WWC1: variants seen among roughly 807,000 people sequenced by gnomAD.
WWC1 encodes the protein protein KIBRA.
WWC1 carries 55 observed loss-of-function variants against 138.4 expected under a neutral mutation model. That is an observed-to-expected ratio of 0.40 (90% confidence interval 0.32 to 0.50). The LOEUF (loss-of-function observed/expected upper bound fraction) is 0.50, where lower values mean the gene tolerates loss of function less well. WWC1 is among the 20% of genes least tolerant of loss of function. The probability of loss-of-function intolerance (pLI) is 0.72; values close to 1 mark genes in which losing one functional copy is unlikely to be tolerated. For synonymous variants in WWC1, 524 were observed against 564.9 expected (o/e 0.93, Z 1.03); for missense variants, 1,226 against 1,420.4 (o/e 0.86, Z 2.20).
intron 1 of WWC1, among the ~76,000 whole-genome samples, chr5:168,333,553 G>T (rs904830433): frequency 6.6e-6 from 1 of 152,188 alleles, no homozygotes; most frequent in African/African-American, 2.4e-5. Context: ...ATGATGGGCA[G>T]CACCTCTGTG....
At chr5:168,372,536 C>T (rs574535806) in intron 2 of WWC1, among the ~76,000 whole-genome samples, 34 of 152,326 alleles carry the variant, frequency 2.2e-4, no homozygotes, top group African/African-American at 7.0e-4. Flanking sequence ...CAGTCTGTGC[C>T]GTGTCCTGTG....
At chr5:168,348,531 G>T (rs1202499293) in intron 1 of WWC1, among the ~76,000 whole-genome samples, 1 of 152,162 alleles carries the variant, frequency 6.6e-6, no homozygotes, top group Non-Finnish European at 1.5e-5. Flanking sequence ...TGTGAGCACA[G>T]GCCTCCCTTT....
At position 168,323,285 on chromosome 5, in the gene WWC1, C is replaced by A. The variant is rs561960477; in HGVS notation, c.119+31014C>A. Among the ~76,000 whole-genome samples, 3 of 152,278 alleles carry A rather than the reference C, an allele frequency of 2.0e-5. No homozygotes were observed. In the East Asian group the frequency reaches 5.8e-4, roughly 29 times the overall value. On this transcript the variant is annotated intron_variant, in intron 1 of 22. Coordinates refer to ENST00000265293, the MANE Select transcript of WWC1 (RefSeq NM_015238.3). The stretch of plus-strand genomic sequence containing the variant: ...GTGAGGCTGGGTACAGTGGCTCACA[C>A]CTGTAACCCCAACACTTTGGAAGAC...
intron 5 of WWC1, among the ~76,000 whole-genome samples, chr5:168,403,490 C>T (rs912483148): frequency 1.3e-5 from 2 of 152,072 alleles, no homozygotes; most frequent in African/African-American, 2.4e-5. Flanking sequence ...CTCTGGACCA[C>T]GAATCCATAT....
chr5:168,311,875 T>TA (rs879658323), intron 1 of WWC1, among the ~76,000 whole-genome samples: 6,722 of 136,394 alleles, frequency 0.049, 436 homozygotes, highest in African/African-American at 0.16. Flanking sequence ...AGACTCAGTC[T>TA]AAAAAAAAAA....
intron 1 of WWC1, among the ~76,000 whole-genome samples, chr5:168,342,836 C>T (rs1055173734): frequency 6.6e-6 from 1 of 152,206 alleles, no homozygotes; most frequent in African/African-American, 2.4e-5. Flanking sequence ...AGACCCCATA[C>T]TGTGGACGGA....
At chr5:168,451,706 G>T (rs1325095137) in intron 17 of WWC1, among the ~76,000 whole-genome samples, 1 of 152,006 alleles carries the variant, frequency 6.6e-6, no homozygotes, top group Non-Finnish European at 1.5e-5. Flanking sequence ...GCAAGATGCT[G>T]TCTCTAAAAA....
intron 1 of WWC1, among the ~76,000 whole-genome samples, chr5:168,304,119 A>G (rs2152743141): frequency 6.6e-6 from 1 of 152,354 alleles, no homozygotes. Context: ...ATTATATTCA[A>G]GTTCCACTGA....
At chr5:168,382,318 A>G (rs988684453) in intron 2 of WWC1, among the ~76,000 whole-genome samples, 4 of 152,242 alleles carry the variant, frequency 2.6e-5, no homozygotes, top group Non-Finnish European at 5.9e-5. Context: ...AAATTCATGT[A>G]TAATCAGAAG....
chr5:168,337,121 G>T (rs1773542759), intron 1 of WWC1, among the ~76,000 whole-genome samples: 1 of 151,246 alleles, frequency 6.6e-6, no homozygotes, highest in Non-Finnish European at 1.5e-5. Flanking sequence ...TCATACCAGC[G>T]GCCCAGCCAT....
chr5:168,458,020 G>A (rs933876558), intron 19 of WWC1, among the ~76,000 whole-genome samples: 1 of 152,194 alleles, frequency 6.6e-6, no homozygotes, highest in Non-Finnish European at 1.5e-5. Context: ...GCCTCTAGCT[G>A]CAAGGGAGGC....
Position 168,424,058 on chromosome 5 carries a change from G to T in WWC1, c.1800G>T (p.Gln600His). Residue 600 changes from glutamine to histidine, a missense_variant, in exon 11 of 23, where the codon CAG (glutamine) becomes CAT (histidine). This residue lies in a region of WWC1 where 1,016 missense variants were observed against 1,153.9 expected (regional missense o/e 0.88). Coordinates refer to ENST00000265293, the MANE Select transcript of WWC1 (RefSeq NM_015238.3). ...RLEEPGTEGK[Q>H]LGQAVNTAQG... ...AGGAACCAGGAACGGAGGGCAAGCAGCTGGGCCAAGGTAGAGAGCACCATA... is the reference window on the plus strand; with the variant it reads ...AGGAACCAGGAACGGAGGGCAAGCATCTGGGCCAAGGTAGAGAGCACCATA... 1.3e-6 allele frequency: 2 copies of T among 1,598,824 alleles called. No homozygotes were observed. Among genetic ancestry groups the T allele is most frequent in the South Asian group, 2.3e-5 (2 of 87,144 alleles).
intron 4 of WWC1, 87 bp downstream of exon 4, chr5:168,397,887 T>A: frequency 6.2e-6 from 9 of 1,442,136 alleles, no homozygotes; most frequent in Non-Finnish European, 8.8e-6. Context: ...CCAGAACAGA[T>A]GCTCCAGCCA....
At chr5:168,423,161 A>AAAAAAAC (rs1554108968) in intron 10 of WWC1, among the ~76,000 whole-genome samples, 15,309 of 138,850 alleles carry the variant, frequency 0.11, 698 homozygotes, top group South Asian at 0.25. Flanking sequence ...AAAAAAAAAA[A>AAAAAAAC]AAAAAAAAAA....
At chr5:168,439,116 G>T (rs536914365) in intron 15 of WWC1, among the ~76,000 whole-genome samples, 9 of 152,210 alleles carry the variant, frequency 5.9e-5, no homozygotes, top group African/African-American at 1.9e-4. Context: ...TATAGACACA[G>T]ATATACTTAC....
intron 8 of WWC1, among the ~76,000 whole-genome samples, chr5:168,413,250 T>C (rs1419543863): frequency 6.6e-6 from 1 of 152,188 alleles, no homozygotes; most frequent in Admixed American, 6.5e-5. Flanking sequence ...CCTTTAGAGA[T>C]GGGGTGGCCA....
intron 1 of WWC1, among the ~76,000 whole-genome samples, chr5:168,351,549 A>G (rs1421863269): frequency 2.6e-5 from 4 of 152,180 alleles, no homozygotes; most frequent in African/African-American, 9.7e-5. Flanking sequence ...TTAGGATATG[A>G]TGGAAGGAGG....
chr5:168,425,523 C>T (rs1161140627), intron 11 of WWC1, among the ~76,000 whole-genome samples: 2 of 141,770 alleles, frequency 1.4e-5, no homozygotes, highest in African/African-American at 2.6e-5. Flanking sequence ...GATGGAGTCT[C>T]ACTCTGTCAC....
At chr5:168,426,705 C>A (rs1414103667) in intron 11 of WWC1, among the ~76,000 whole-genome samples, 1 of 152,224 alleles carries the variant, frequency 6.6e-6, no homozygotes, top group Non-Finnish European at 1.5e-5. Flanking sequence ...CCAGCACTTG[C>A]AGTCTCCCAG....
Sources: allele counts gnomAD v4.1 joint callset (sites outside exome capture counted in the v4.1 genomes callset), GRCh38; gene constraint gnomAD v4.1.1; regional missense constraint gnomAD v4.1.1; transcripts MANE v1.5; gene names NCBI Gene and HGNC (gene_info 2026-07-23, HGNC 2026-07-21).